The following PAG1 variants were observed in gnomAD, a reference collection of about 807,000 sequenced individuals.
PAG1 encodes phosphoprotein associated with glycosphingolipid-enriched microdomains 1.
In PAG1, 23 loss-of-function variants were observed where a neutral mutation model predicts 31.7. The ratio of observed to expected loss-of-function variants is 0.73; its 90% CI spans 0.52 to 1.03. The LOEUF (loss-of-function observed/expected upper bound fraction) is 1.03, where lower values mean the gene tolerates loss of function less well. Among genes scored for constraint, PAG1 ranks in the 50% least tolerant of loss-of-function variants. PAG1 has a pLI of 0.00. For missense variants in PAG1, 473 were observed against 540.7 expected (o/e 0.87, Z 1.24); for synonymous variants, 214 against 210.3 (o/e 1.02, Z -0.15).
intron 2 of PAG1, among the ~76,000 whole-genome samples, chr8:81,055,631 G>A (rs976280925): frequency 6.6e-5 from 10 of 151,594 alleles, no homozygotes; most frequent in East Asian, 3.9e-4. Flanking sequence ...CTTTTATTTC[G>A]TTGAGCAGTG....
Position 81,109,838 on chromosome 8 carries a change from C to CA in PAG1, c.-234+1752dup, listed in dbSNP as rs1809747259. 2.0e-5 allele frequency among the ~76,000 whole-genome samples: 3 copies of CA among 152,158 alleles called. No homozygotes were observed. In the South Asian group the frequency reaches 6.2e-4, roughly 32 times the overall value. ...AGACTTTGGGTTACTTGCCTAGATT[C>CA]AAACAGATGGTACCAGAGCTGGCAG... On this transcript the variant is annotated intron_variant, in intron 1 of 8. Coordinates refer to ENST00000220597, the MANE Select transcript of PAG1 (RefSeq NM_018440.4).
chr8:81,111,564 C>T (rs1436120036), intron 1 of PAG1, 27 bp downstream of exon 1: 1 of 152,372 alleles, frequency 6.6e-6, no homozygotes, highest in Admixed American at 6.5e-5. Context: ...CGGCTCCCTC[C>T]AACTTCAGAA....
chr8:81,004,953 G>A (rs1214129738), intron 3 of PAG1, among the ~76,000 whole-genome samples: 3 of 152,354 alleles, frequency 2.0e-5, no homozygotes, highest in South Asian at 2.1e-4. Context: ...GGAAGGTGCT[G>A]TATAGAGCCT....
At chr8:81,009,662 G>GAGT (rs1386658907) in intron 3 of PAG1, among the ~76,000 whole-genome samples, 1 of 152,140 alleles carries the variant, frequency 6.6e-6, no homozygotes, top group Non-Finnish European at 1.5e-5. Context: ...ACCCTTGCTG[G>GAGT]AGTACAGTGG....
intron 1 of PAG1, among the ~76,000 whole-genome samples, chr8:81,071,263 C>G (rs182218192): frequency 3.9e-5 from 6 of 152,254 alleles, no homozygotes; most frequent in Admixed American, 3.9e-4. Flanking sequence ...GGTCTAAGAG[C>G]CGCCTGAATA....
intron 3 of PAG1, among the ~76,000 whole-genome samples, chr8:81,009,499 T>C (rs1463798523): frequency 6.6e-6 from 1 of 152,220 alleles, no homozygotes; most frequent in African/African-American, 2.4e-5. Context: ...AATGAAGTAT[T>C]ACCCAGATGA....
At chr8:81,040,576 C>T (rs1808537224) in intron 2 of PAG1, among the ~76,000 whole-genome samples, 1 of 152,190 alleles carries the variant, frequency 6.6e-6, no homozygotes, top group East Asian at 1.9e-4. Flanking sequence ...GATATAGCTA[C>T]ATATGTATAA....
chr8:80,976,912 A>T lies in PAG1; in HGVS notation c.937-6T>A. The T allele has an allele frequency of 6.3e-7, 1 of 1,585,736 alleles. No homozygotes were observed. Among genetic ancestry groups the T allele is most frequent in the Non-Finnish European group, 8.6e-7 (1 of 1,167,774 alleles). ...GATGAGTACATAGCTGAGATCTAGG[A>T]GACAAAGGGAGAGTTGAATAAACTT... is the stretch of plus-strand genomic sequence containing the variant. On this transcript the variant is annotated splice_region_variant and splice_polypyrimidine_tract_variant and intron_variant, in intron 8 of 8. Transcript: ENST00000220597.
chr8:81,104,264 C>T (rs1431977688), intron 1 of PAG1, among the ~76,000 whole-genome samples: 1 of 152,202 alleles, frequency 6.6e-6, no homozygotes, highest in Non-Finnish European at 1.5e-5. Context: ...TTCAATCAAG[C>T]ATCTCATTCT....
At chr8:81,062,596 G>GA (rs1167676728) in intron 2 of PAG1, among the ~76,000 whole-genome samples, 1 of 151,766 alleles carries the variant, frequency 6.6e-6, no homozygotes. Context: ...AGAAACACTA[G>GA]AAAAAAAATT....
intron 3 of PAG1, among the ~76,000 whole-genome samples, chr8:81,020,124 T>G (rs1808137669): frequency 6.6e-6 from 1 of 152,238 alleles, no homozygotes; most frequent in Admixed American, 6.5e-5. Flanking sequence ...ACCCAATGCC[T>G]GTACCCCCAT....
Position 80,976,780 on chromosome 8 carries a change from A to T in PAG1, c.1063T>A (p.Cys355Ser). Residue 355 changes from cysteine to serine, a missense_variant, in exon 9 of 9, where the codon TGT becomes AGT. Physicochemically the swap from Cys to Ser is moderately radical, Grantham distance 112. Coordinates refer to ENST00000220597, the MANE Select transcript of PAG1 (RefSeq NM_018440.4). ...TTAACAGTAGCATAGAGATCATTACAGGAGGAGGGTGACCTCTGTGGGTCC... is the reference window on the plus strand; with the variant it reads ...TTAACAGTAGCATAGAGATCATTACTGGAGGAGGGTGACCTCTGTGGGTCC... ...QGDPQRSPSS[C>S]NDLYATVKDF... is the part of the protein sequence containing the mutation. 1 of 1,613,708 alleles carries T rather than the reference A, an allele frequency of 6.2e-7. No homozygotes were observed. The highest frequency in any genetic ancestry group is 8.5e-7 in the Non-Finnish European group (1 of 1,179,778).
At chr8:81,068,179 G>A (rs1026365806) in intron 2 of PAG1, among the ~76,000 whole-genome samples, 1 of 152,204 alleles carries the variant, frequency 6.6e-6, no homozygotes, top group African/African-American at 2.4e-5. Context: ...TTACAGGCGT[G>A]AGCACTGCAC....
At chr8:81,047,481 T>C (rs1439338330) in intron 2 of PAG1, among the ~76,000 whole-genome samples, 1 of 152,192 alleles carries the variant, frequency 6.6e-6, no homozygotes, top group African/African-American at 2.4e-5. Flanking sequence ...TGACTGCATG[T>C]ATGTCTTCTT....
intron 1 of PAG1, among the ~76,000 whole-genome samples, chr8:81,087,551 G>C (rs1809380016): frequency 6.6e-6 from 1 of 152,172 alleles, no homozygotes; most frequent in East Asian, 1.9e-4. Flanking sequence ...GAGTGGATAA[G>C]TCAATTGAGG....
intron 6 of PAG1, 39 bp from the exon 7 acceptor site, chr8:80,985,416 T>C (rs1807398402): frequency 6.4e-7 from 1 of 1,552,278 alleles, no homozygotes; most frequent in African/African-American, 1.4e-5. Context: ...GAAAGGCAAG[T>C]CTTTCAATAA....
At chr8:81,003,098 C>G (rs1488434222) in intron 3 of PAG1, among the ~76,000 whole-genome samples, 1 of 152,192 alleles carries the variant, frequency 6.6e-6, no homozygotes, top group Non-Finnish European at 1.5e-5. Flanking sequence ...TCTGAACCTT[C>G]CCCCAGACTT....
chr8:81,098,609 C>T lies in PAG1; in HGVS notation c.-234+12982G>A, dbSNP rs552783748. ...CTCCATGGGTATCTTTTTGACCCAA[C>T]AAAACCATGTTATTCTTCTTGGGCC... On this transcript the variant is annotated intron_variant, in intron 1 of 8. Transcript: ENST00000220597. 6.6e-5 allele frequency among the ~76,000 whole-genome samples: 10 copies of T among 152,264 alleles called. 1 individual carries two copies. In the South Asian group the frequency reaches 1.9e-3, roughly 28 times the overall value.
chr8:80,977,179 T>G (rs548601192), intron 8 of PAG1, among the ~76,000 whole-genome samples: 1 of 152,104 alleles, frequency 6.6e-6, no homozygotes, highest in South Asian at 2.1e-4. Context: ...AGAGGTGGAG[T>G]GGGAAGCTCC....
Sources: allele counts gnomAD v4.1 joint callset (sites outside exome capture counted in the v4.1 genomes callset), GRCh38; gene constraint gnomAD v4.1.1; transcripts MANE v1.5; gene names NCBI Gene and HGNC (gene_info 2026-07-23, HGNC 2026-07-21).